C1orf87: variants seen among roughly 807,000 people sequenced by gnomAD.
The protein encoded by C1orf87 is chromosome 1 open reading frame 87.
Under a neutral mutation model 60.5 loss-of-function variants are expected in C1orf87, and 58 were observed. The ratio of observed to expected loss-of-function variants is 0.96; its 90% CI spans 0.78 to 1.19. The LOEUF is 1.19. Ranked by LOEUF, C1orf87 falls within the 50% of genes most tolerant of loss-of-function variation. C1orf87 has a pLI of 0.00. For missense variants in C1orf87, 673 were observed against 638.6 expected (o/e 1.05, Z -0.58); for synonymous variants, 236 against 227.4 (o/e 1.04, Z -0.34).
intron 6 of C1orf87, among the ~76,000 whole-genome samples, chr1:60,035,098 G>A (rs1204728669): frequency 6.6e-6 from 1 of 152,130 alleles, no homozygotes; most frequent in Non-Finnish European, 1.5e-5. Flanking sequence ...CCTGTCCAGG[G>A]AGTTCCCCAG....
intron 10 of C1orf87, among the ~76,000 whole-genome samples, chr1:59,998,766 T>C (rs1644981013): frequency 6.6e-6 from 1 of 152,138 alleles, no homozygotes; most frequent in Non-Finnish European, 1.5e-5. Context: ...CCATTTTGTG[T>C]ACTGCAAATG....
intron 3 of C1orf87, among the ~76,000 whole-genome samples, chr1:60,051,922 A>G (rs1395921780): frequency 4.6e-5 from 7 of 152,228 alleles, no homozygotes; most frequent in Admixed American, 3.9e-4. Flanking sequence ...GAGAGGGGTG[A>G]GACCATTCTG....
intron 8 of C1orf87, among the ~76,000 whole-genome samples, chr1:60,023,030 G>T (rs989509589): frequency 6.6e-6 from 1 of 152,092 alleles, no homozygotes; most frequent in Non-Finnish European, 1.5e-5. Flanking sequence ...AATATTTTCA[G>T]ATCATAGGTA....
At chr1:60,015,130 T>C (rs1645116556) in intron 8 of C1orf87, among the ~76,000 whole-genome samples, 1 of 152,192 alleles carries the variant, frequency 6.6e-6, no homozygotes, top group African/African-American at 2.4e-5. Context: ...CTCACATTCA[T>C]GTGCTGAAAT....
chr1:60,002,935 T>C (rs1332493352), intron 9 of C1orf87, among the ~76,000 whole-genome samples: 4 of 151,452 alleles, frequency 2.6e-5, no homozygotes, highest in African/African-American at 9.7e-5. Flanking sequence ...GATCTAGAAC[T>C]GGAAATACCA....
chr1:60,043,514 C>T (rs929826263), intron 3 of C1orf87, among the ~76,000 whole-genome samples: 3 of 151,980 alleles, frequency 2.0e-5, no homozygotes, highest in Non-Finnish European at 2.9e-5. Context: ...CCAGAGTAGC[C>T]GGAACTACAG....
chr1:60,008,615 G>A, intron 9 of C1orf87: 1 of 434,238 alleles, frequency 2.3e-6, no homozygotes, highest in South Asian at 1.7e-5. Flanking sequence ...CACACACAGA[G>A]GAAAGCCATG....
intron 2 of C1orf87, among the ~76,000 whole-genome samples, chr1:60,067,488 A>G (rs1027026273): frequency 7.5e-6 from 1 of 134,146 alleles, no homozygotes; most frequent in Non-Finnish European, 1.6e-5. Context: ...TTTTTTTCAT[A>G]TGTTTGTTGG....
chr1:60,065,492 A>G (rs2100333040), intron 2 of C1orf87, among the ~76,000 whole-genome samples: 1 of 151,938 alleles, frequency 6.6e-6, no homozygotes, highest in Non-Finnish European at 1.5e-5. Flanking sequence ...GAGCTGATAG[A>G]CCCTTATGTT....
intron 8 of C1orf87, among the ~76,000 whole-genome samples, chr1:60,012,083 G>T (rs1003131722): frequency 4.6e-5 from 7 of 151,682 alleles, no homozygotes; most frequent in African/African-American, 1.5e-4. Flanking sequence ...AACTACAATG[G>T]AAGCATCTCC....
intron 2 of C1orf87, among the ~76,000 whole-genome samples, chr1:60,061,525 G>T (rs1645496468): frequency 6.6e-6 from 1 of 151,836 alleles, no homozygotes; most frequent in Non-Finnish European, 1.5e-5. Context: ...ACATTAATTT[G>T]ATTTCCAAAT....
intron 7 of C1orf87, among the ~76,000 whole-genome samples, chr1:60,032,107 A>C (rs1312669263): frequency 6.6e-6 from 1 of 152,206 alleles, no homozygotes; most frequent in Non-Finnish European, 1.5e-5. Flanking sequence ...CATTTTCAGC[A>C]TATCATGTCC....
At chr1:60,067,489 T>G (rs1645555033) in intron 2 of C1orf87, among the ~76,000 whole-genome samples, 2 of 152,118 alleles carry the variant, frequency 1.3e-5, no homozygotes, top group African/African-American at 4.8e-5. Flanking sequence ...TTTTTTCATA[T>G]GTTTGTTGGC....
intron 9 of C1orf87, among the ~76,000 whole-genome samples, chr1:60,004,404 A>G (rs977848187): frequency 2.6e-5 from 4 of 152,046 alleles, no homozygotes; most frequent in Non-Finnish European, 5.9e-5. Context: ...GCTTCCCCAG[A>G]GAAGAGAAAC....
At chr1:59,992,283 T>A (rs971704338) in intron 11 of C1orf87, among the ~76,000 whole-genome samples, 1 of 151,800 alleles carries the variant, frequency 6.6e-6, no homozygotes, top group African/African-American at 2.4e-5. Context: ...TGAGACAGGG[T>A]CTTACTCTGT....
intron 8 of C1orf87, among the ~76,000 whole-genome samples, chr1:60,018,232 A>G (rs1645137150): frequency 6.6e-6 from 1 of 152,238 alleles, no homozygotes; most frequent in Non-Finnish European, 1.5e-5. Flanking sequence ...CCCTTAACAA[A>G]ATGGATTTAA....
intron 9 of C1orf87, among the ~76,000 whole-genome samples, chr1:60,007,528 G>C (rs1383151044): frequency 6.6e-6 from 1 of 151,934 alleles, no homozygotes; most frequent in Non-Finnish European, 1.5e-5. Context: ...ATTGAAGCTG[G>C]ACATATTGTA....
chr1:60,034,496 T>C (rs964453459), intron 6 of C1orf87, among the ~76,000 whole-genome samples: 4 of 152,226 alleles, frequency 2.6e-5, no homozygotes, highest in East Asian at 1.9e-4. Context: ...CCCATCTAAA[T>C]TGGGTTTCTT....
At chr1:60,055,526 T>G in intron 2 of C1orf87, 88 bp from the exon 3 acceptor site, 4 of 1,154,888 alleles carry the variant, frequency 3.5e-6, no homozygotes, top group Non-Finnish European at 5.1e-6. Context: ...GTGTTTGGTG[T>G]TGTGAACAGT....
Sources: gnomAD v4.1 joint callset for allele counts (sites outside exome capture counted in the v4.1 genomes callset) on GRCh38, gnomAD v4.1.1 for gene constraint, MANE v1.5 for transcripts, NCBI Gene and HGNC (gene_info 2026-07-23, HGNC 2026-07-21) for gene names.